Variants in VTI1A observed in about 807,000 individuals in gnomAD.
VTI1A encodes the protein vesicle transport through interaction with t-SNAREs 1A, also known as vesicle transport through interaction with t-SNAREs homolog 1A.
Under a neutral mutation model 34.9 loss-of-function variants are expected in VTI1A, and 22 were observed. That is an observed-to-expected ratio of 0.63 (90% CI 0.45 to 0.90). The LOEUF (loss-of-function observed/expected upper bound fraction) is 0.90, where lower values mean the gene tolerates loss of function less well. Among genes scored for constraint, VTI1A ranks in the 40% least tolerant of loss-of-function variants. VTI1A has a pLI of 0.00. For synonymous variants in VTI1A, 87 were observed against 97.3 expected (o/e 0.89, Z 0.62); for missense variants, 268 against 275.6 (o/e 0.97, Z 0.20).
At chr10:112,557,894 A>G (rs1328820026) in intron 5 of VTI1A, among the ~76,000 whole-genome samples, 7 of 152,218 alleles carry the variant, frequency 4.6e-5, no homozygotes, top group Non-Finnish European at 1.0e-4. Context: ...TAATAACTTT[A>G]TTTACACCTC....
intron 7 of VTI1A, among the ~76,000 whole-genome samples, chr10:112,787,680 T>G (rs1327320769): frequency 6.9e-6 from 1 of 145,444 alleles, no homozygotes; most frequent in Non-Finnish European, 1.5e-5. Flanking sequence ...AATTAGTTTC[T>G]TTTTTCTTTT....
intron 7 of VTI1A, among the ~76,000 whole-genome samples, chr10:112,782,344 G>A (rs1852155993): frequency 1.3e-5 from 2 of 152,282 alleles, no homozygotes; most frequent in Admixed American, 1.3e-4. Context: ...ACTGGAAAAG[G>A]ATGTTGCAAT....
intron 5 of VTI1A, among the ~76,000 whole-genome samples, chr10:112,664,970 A>G (rs1367924751): frequency 1.3e-5 from 2 of 152,224 alleles, no homozygotes; most frequent in African/African-American, 4.8e-5. Flanking sequence ...AACAAGTATA[A>G]TATTTATAAA....
intron 3 of VTI1A, among the ~76,000 whole-genome samples, chr10:112,489,806 C>CTA (rs2134120898): frequency 6.6e-6 from 1 of 152,224 alleles, no homozygotes; most frequent in Non-Finnish European, 1.5e-5. Context: ...TGGGTTGTGG[C>CTA]TATATATAGG....
At chr10:112,747,933 G>A (rs1393340775) in intron 7 of VTI1A, among the ~76,000 whole-genome samples, 4 of 152,148 alleles carry the variant, frequency 2.6e-5, no homozygotes, top group Non-Finnish European at 4.4e-5. Flanking sequence ...GCAATCCAAC[G>A]CCCAGACAGG....
At chr10:112,575,302 G>A in intron 5 of VTI1A, among the ~76,000 whole-genome samples, 1 of 152,212 alleles carries the variant, frequency 6.6e-6, no homozygotes, top group East Asian at 1.9e-4. Context: ...TTGTGTTCCT[G>A]TAGTTCGTTT....
chr10:112,550,067 A>T (rs1458966675), intron 5 of VTI1A, among the ~76,000 whole-genome samples: 1 of 152,126 alleles, frequency 6.6e-6, no homozygotes, highest in Non-Finnish European at 1.5e-5. Context: ...TTCATTTTTA[A>T]TCTGTTAAAA....
At position 112,723,118 on chromosome 10, in the gene VTI1A, A is replaced by G. The variant is rs530770756; in HGVS notation, c.560+54120A>G. 1.8e-3 allele frequency among the ~76,000 whole-genome samples: 269 copies of G among 152,308 alleles called. 1 individual carries two copies. Among genetic ancestry groups the G allele is most frequent in the African/African-American group, 6.3e-3 (262 of 41,560 alleles). On this transcript the variant is annotated intron_variant, in intron 7 of 7. Transcript: ENST00000393077. ...AATAGTAGTTACAAAGTAAAGGCTAAAGTTAATAAAGACCCAAAAGAAAAT... is the reference window on the plus strand; with the variant it reads ...AATAGTAGTTACAAAGTAAAGGCTAGAGTTAATAAAGACCCAAAAGAAAAT...
chr10:112,774,227 T>C (rs1851894637), intron 7 of VTI1A, among the ~76,000 whole-genome samples: 1 of 152,190 alleles, frequency 6.6e-6, no homozygotes. Context: ...GGAGCTATTT[T>C]GTTGGGGAGA....
chr10:112,642,504 T>C (rs1331586832), intron 5 of VTI1A, among the ~76,000 whole-genome samples: 1 of 152,240 alleles, frequency 6.6e-6, no homozygotes, highest in Non-Finnish European at 1.5e-5. Flanking sequence ...CAGTTGCTGA[T>C]TCTTCTGTTT....
At chr10:112,822,258 A>T (rs1216917803), downstream of VTI1A, among the ~76,000 whole-genome samples, 1 of 152,074 alleles carries the variant, frequency 6.6e-6, no homozygotes, top group Non-Finnish European at 1.5e-5. Context: ...CCTGGCCAGG[A>T]CCCCGTTCTT....
intron 7 of VTI1A, among the ~76,000 whole-genome samples, chr10:112,804,327 C>T (rs1852989137): frequency 6.6e-6 from 1 of 152,194 alleles, no homozygotes; most frequent in Non-Finnish European, 1.5e-5. Flanking sequence ...GGATTCCTGC[C>T]CCCACCTTCC....
At position 112,767,966 on chromosome 10, in the gene VTI1A, C is replaced by T. The variant is rs1438050844; in HGVS notation, c.561-47324C>T. On this transcript the variant is annotated intron_variant, in intron 7 of 7. Transcript: ENST00000393077. The surrounding 1 kb of genome is among the most constrained non-coding windows in gnomAD (Gnocchi z 4.0). ...GAAGCCGGACACGTATTACTTCCCC[C>T]TTGGATCCTCATGCCTTTCCTGGAC... Among the ~76,000 whole-genome samples the T allele has an allele frequency of 7.7e-6, 1 of 130,076 alleles. No individual in the cohort carries two copies. The highest frequency in any genetic ancestry group is 3.2e-5 in the African/African-American group (1 of 31,576). 85.3% of individuals were successfully genotyped at this position (130,076 alleles called of 152,430 possible). A position where few individuals can be genotyped will look rare whatever the true frequency, so the allele number is the denominator to read the frequency against.
At chr10:112,794,517 A>C (rs745947052) in intron 7 of VTI1A, among the ~76,000 whole-genome samples, 1 of 152,082 alleles carries the variant, frequency 6.6e-6, no homozygotes, top group African/African-American at 2.4e-5. Flanking sequence ...ACGCTGTTGC[A>C]CTCCAGCCTG....
chr10:112,850,446 G>T, the VTI1A span, among the ~76,000 whole-genome samples: 2 of 151,904 alleles, frequency 1.3e-5, no homozygotes, highest in Non-Finnish European at 2.9e-5. Context: ...AGAAGAGGGT[G>T]AGGGGGAGCA....
At chr10:112,818,777 A>G (rs149136258), downstream of VTI1A, 2 of 177,202 alleles carry the variant, frequency 1.1e-5, no homozygotes, top group African/African-American at 4.9e-5. Flanking sequence ...TATTATTATT[A>G]TTTAAACATT....
intron 5 of VTI1A, among the ~76,000 whole-genome samples, chr10:112,572,972 G>C (rs886318860): frequency 1.3e-5 from 2 of 151,516 alleles, no homozygotes; most frequent in Non-Finnish European, 2.9e-5. Flanking sequence ...AATCAGCTTT[G>C]TCTGGAAAGT....
chr10:112,737,303 C>T (rs1183773277), intron 7 of VTI1A: 1 of 1,011,922 alleles, frequency 9.9e-7, no homozygotes, highest in South Asian at 4.7e-5. Flanking sequence ...AGGATGGTCT[C>T]GATCTCTTAA....
intron 7 of VTI1A, among the ~76,000 whole-genome samples, chr10:112,743,964 C>G (rs542517494): frequency 6.6e-6 from 1 of 152,266 alleles, no homozygotes; most frequent in South Asian, 2.1e-4. Context: ...TTGAAGAAAT[C>G]CACATCAAAT....
Sources: gnomAD v4.1 joint callset for allele counts (sites outside exome capture counted in the v4.1 genomes callset) on GRCh38, gnomAD v4.1.1 for gene constraint, Gnocchi (gnomAD v3.1) non-coding constraint, MANE v1.5 for transcripts, NCBI Gene and HGNC (gene_info 2026-07-23, HGNC 2026-07-21) for gene names.